Variants in SPINDOC observed in about 807,000 individuals in gnomAD.
SPINDOC encodes spindlin interactor and repressor of chromatin-binding protein.
SPINDOC carries 13 observed loss-of-function variants against 30.7 expected under a neutral mutation model. The ratio of observed to expected loss-of-function variants is 0.42; its 90% CI spans 0.28 to 0.67. SPINDOC has a LOEUF of 0.67. SPINDOC is among the 30% of genes least tolerant of loss of function. SPINDOC has a pLI of 0.22. For missense variants in SPINDOC, 438 were observed against 518.0 expected (o/e 0.85, Z 1.50); for synonymous variants, 228 against 211.4 (o/e 1.08, Z -0.68).
chr11:63,823,416 C>G lies in SPINDOC; in HGVS notation c.935-3512C>G, dbSNP rs2015581119. On this transcript the variant is annotated intron_variant, in intron 5 of 5. Transcript: ENST00000294244. Reference sequence around the variant, plus strand: ...GGATTTAACAGTTGGAAAAGGCCACCTGTGGTCAGGTTAGCTGAGCTGATG... The same window carrying G: ...GGATTTAACAGTTGGAAAAGGCCACGTGTGGTCAGGTTAGCTGAGCTGATG... The G allele has an allele frequency of 5.0e-6, 5 of 1,003,538 alleles. No individual in the cohort carries two copies. In the South Asian group the frequency reaches 8.7e-5, roughly 17 times the overall value. 62.2% of individuals were successfully genotyped at this position (1,003,538 alleles called of 1,614,324 possible).
rs370894205 is a variant in SPINDOC, at chr11:63,818,982, G to A, written c.914G>A (p.Arg305Gln). The change falls in exon 5 of 6, where the codon CGG becomes CAG. Residue 305 changes from arginine to glutamine, a missense_variant. Transcript: ENST00000294244. The surrounding 1 kb of genome is among the most constrained non-coding windows in gnomAD (Gnocchi z 5.3). ...DREVAEGGLP[R>Q]AESPSPAPPP... ...GAAGTGGCAGAAGGAGGCCTTCCCCGGGCGGAGAGCCCCTCTCCAGGTGAG... is the reference window on the plus strand; with the variant it reads ...GAAGTGGCAGAAGGAGGCCTTCCCCAGGCGGAGAGCCCCTCTCCAGGTGAG... 82 of 1,613,650 alleles carry A rather than the reference G, an allele frequency of 5.1e-5. No individual in the cohort carries two copies. In the Middle Eastern group the frequency reaches 8.2e-4, roughly 16 times the overall value.
chr11:63,815,327 C>T (rs1324296489), intron 1 of SPINDOC, among the ~76,000 whole-genome samples: 7 of 152,166 alleles, frequency 4.6e-5, no homozygotes, highest in African/African-American at 1.4e-4. Context: ...GGAAAGATTT[C>T]GGTGGAGAGA....
chr11:63,825,396 T>G (rs1374806497), intron 5 of SPINDOC, among the ~76,000 whole-genome samples: 1 of 152,224 alleles, frequency 6.6e-6, no homozygotes, highest in Non-Finnish European at 1.5e-5. Context: ...ACTCCCTCTG[T>G]GTCTGTGGTC....
chr11:63,826,655 G>A (rs1257888663), intron 5 of SPINDOC, among the ~76,000 whole-genome samples: 2 of 152,206 alleles, frequency 1.3e-5, no homozygotes, highest in Admixed American at 1.3e-4. Context: ...AGGCGTCCCT[G>A]TGCCAAAATA....
At chr11:63,826,852 C>T (rs147485311) in intron 5 of SPINDOC, 76 bp from the exon 6 acceptor site, 75 of 742,970 alleles carry the variant, frequency 1.0e-4, no homozygotes, top group African/African-American at 5.5e-4. Flanking sequence ...GTACAGTTTG[C>T]GGAGCTTCCA....
chr11:63,827,606 C>A lies in SPINDOC; in HGVS notation c.*467C>A. 5.2e-6 allele frequency: 1 copy of A among 192,146 alleles called. No individual in the cohort carries two copies. The highest frequency in any genetic ancestry group is 1.1e-5 in the Non-Finnish European group (1 of 90,634). The allele number at this position is 192,146 out of a possible 1,614,324, so 11.9% of individuals were successfully genotyped here. On this transcript the variant is annotated 3_prime_UTR_variant, in exon 6 of 6. Coordinates refer to ENST00000294244, the MANE Select transcript of SPINDOC (RefSeq NM_138471.3). ...ATTACCTCTTCCTGTCCCACCCCTG[C>A]AGAGGCCTGAAGCTGGGCCTGGGCA...
chr11:63,815,461 C>T lies in SPINDOC; in HGVS notation c.127+1648C>T, dbSNP rs916730726. 3.3e-5 allele frequency among the ~76,000 whole-genome samples: 5 copies of T among 152,204 alleles called. 1 individual carries two copies. Among genetic ancestry groups the T allele is most frequent in the African/African-American group, 7.2e-5 (3 of 41,446 alleles). Reference sequence around the variant, plus strand: ...GGGAGTGAAAGTTTGAATATGATTACGTTTGAGATGCCTATTTATGACATA... The same window carrying T: ...GGGAGTGAAAGTTTGAATATGATTATGTTTGAGATGCCTATTTATGACATA... On this transcript the variant is annotated intron_variant, in intron 1 of 5. Transcript: ENST00000294244.
At chr11:63,817,536 C>T (rs1456043066) in intron 1 of SPINDOC, among the ~76,000 whole-genome samples, 1 of 152,062 alleles carries the variant, frequency 6.6e-6, no homozygotes, top group African/African-American at 2.4e-5. Flanking sequence ...TGCAAGAATG[C>T]AGCCTGTTGG....
At position 63,813,539 on chromosome 11, in the gene SPINDOC, A is replaced by AGCGGCGGGCGG; in HGVS notation, c.-139_-129dup. The AGCGGCGGGCGG allele has an allele frequency of 3.3e-6, 2 of 607,524 alleles. No homozygotes were observed. The highest frequency in any genetic ancestry group is 4.1e-6 in the Non-Finnish European group (2 of 488,224). 37.6% of individuals were successfully genotyped at this position (607,524 alleles called of 1,614,324 possible). ...GCGCCGGTCGCAGGCCCGGCCGGCG[A>AGCGGCGGGCGG]GCGGCGGGCGGGCGGCGGGGAGGGG... is the stretch of plus-strand genomic sequence containing the variant. On this transcript the variant is annotated 5_prime_UTR_variant, in exon 1 of 6. Coordinates refer to ENST00000294244, the MANE Select transcript of SPINDOC (RefSeq NM_138471.3).
At chr11:63,813,849 T>A in intron 1 of SPINDOC, 36 bp downstream of exon 1, 1 of 1,482,408 alleles carries the variant, frequency 6.7e-7, no homozygotes, top group Non-Finnish European at 9.0e-7. Context: ...CGCGTCACGG[T>A]GCGGGGCCGG....
At chr11:63,816,454 A>G (rs1171786950) in intron 1 of SPINDOC, among the ~76,000 whole-genome samples, 4 of 152,068 alleles carry the variant, frequency 2.6e-5, no homozygotes, top group African/African-American at 7.2e-5. Flanking sequence ...GCTGATTGCA[A>G]CTGAGAGGTC....
intron 5 of SPINDOC, among the ~76,000 whole-genome samples, chr11:63,825,523 G>T (rs2015633876): frequency 6.6e-6 from 1 of 152,102 alleles, no homozygotes; most frequent in Admixed American, 6.5e-5. Context: ...CTATTTATTA[G>T]CTCTGATAAA....
chr11:63,817,888 G>A lies in SPINDOC; in HGVS notation c.211G>A (p.Val71Met). ...SDGCEEPKQQ[V>M]SWEQEFLVGS... is the part of the protein sequence containing the mutation. ...TGGCTGTGAGGAGCCGAAGCAGCAG[G>A]TGTCTTGGGAGCAGGAGTTCCTGGT... Residue 71 changes from valine (V) to methionine (M), a missense_variant, in exon 2 of 6, where the codon GTG becomes ATG. Transcript: ENST00000294244. 1 of 1,613,564 alleles carries A rather than the reference G, an allele frequency of 6.2e-7. No homozygotes were observed. Among genetic ancestry groups the A allele is most frequent in the Non-Finnish European group, 8.5e-7 (1 of 1,179,816 alleles).
intron 5 of SPINDOC, among the ~76,000 whole-genome samples, chr11:63,825,637 A>G (rs2015638366): frequency 6.6e-6 from 1 of 152,198 alleles, no homozygotes; most frequent in South Asian, 2.1e-4. Context: ...AATTATTGTC[A>G]AATTAATGAA....
In SPINDOC at chr11:63,818,454, C is replaced by T. The variant is rs1468128589; in HGVS notation, c.608-73C>T. ...CAGGCCCTGTGTTCTGGGCAGGTATCTTCAGGAGCCCTGGGGTGGCAGGGT... is the reference window on the plus strand; with the variant it reads ...CAGGCCCTGTGTTCTGGGCAGGTATTTTCAGGAGCCCTGGGGTGGCAGGGT... On this transcript the variant is annotated intron_variant, in intron 3 of 5. Transcript: ENST00000294244. The surrounding 1 kb of genome is among the most constrained non-coding windows in gnomAD (Gnocchi z 5.3). The T allele has an allele frequency of 2.5e-6, 4 of 1,603,856 alleles. No individual in the cohort carries two copies. The highest frequency in any genetic ancestry group is 3.4e-6 in the Non-Finnish European group (4 of 1,176,934).
chr11:63,819,678 G>A (rs1253960318), intron 5 of SPINDOC, among the ~76,000 whole-genome samples: 1 of 151,950 alleles, frequency 6.6e-6, no homozygotes, highest in East Asian at 1.9e-4. Context: ...TGTATTTTTA[G>A]TAGAGACAGG....
intron 1 of SPINDOC, among the ~76,000 whole-genome samples, chr11:63,816,356 G>C (rs373134569): frequency 6.6e-6 from 1 of 152,148 alleles, no homozygotes. Context: ...AGAGGTGATC[G>C]GCAGAGGATG....
intron 5 of SPINDOC, chr11:63,822,834 C>A: frequency 7.8e-7 from 1 of 1,289,184 alleles, no homozygotes; most frequent in African/African-American, 1.5e-5. Context: ...GCGCAAACTC[C>A]ATCTATCTGG....
intron 5 of SPINDOC, among the ~76,000 whole-genome samples, chr11:63,824,121 G>A (rs2015597119): frequency 1.3e-5 from 2 of 150,454 alleles, no homozygotes; most frequent in South Asian, 2.1e-4. Flanking sequence ...TATTGGCCAG[G>A]CTAGTCTCAA....
Sources: allele counts gnomAD v4.1 joint callset (sites outside exome capture counted in the v4.1 genomes callset), GRCh38; gene constraint gnomAD v4.1.1; non-coding constraint Gnocchi (gnomAD v3.1); transcripts MANE v1.5; gene names NCBI Gene and HGNC (gene_info 2026-07-23, HGNC 2026-07-21).